The following EIF3G variants were observed in gnomAD, a reference collection of about 807,000 sequenced individuals.
The protein encoded by EIF3G is eukaryotic translation initiation factor 3 subunit G, also known as eukaryotic translation initiation factor 3 RNA-binding subunit.
In EIF3G, 10 loss-of-function variants were observed where a neutral mutation model predicts 41.7. That is an observed-to-expected ratio of 0.24 (90% CI 0.15 to 0.41). The LOEUF (loss-of-function observed/expected upper bound fraction) is 0.41. EIF3G is among the 10% of genes least tolerant of loss of function. The probability of loss-of-function intolerance (pLI) is 1.00; values close to 1 mark genes in which losing one functional copy is unlikely to be tolerated. For synonymous variants in EIF3G, 204 were observed against 172.5 expected, an observed-to-expected ratio of 1.18 and a Z score of -1.43; for missense variants, 297 against 444.0, an observed-to-expected ratio of 0.67 and a Z score of 2.98.
intron 4 of EIF3G, 42 bp from the exon 5 acceptor site, chr19:10,118,769 G>A: frequency 6.2e-7 from 1 of 1,612,346 alleles, no homozygotes; most frequent in East Asian, 2.2e-5. Context: ...CTGGGACCAA[G>A]GGATCTCCTT....
rs1197195020 is a variant in EIF3G, at chr19:10,116,784, C to T, written c.595+16G>A. 6 of 1,557,388 alleles carry T rather than the reference C, an allele frequency of 3.9e-6. No individual in the cohort carries two copies. The highest frequency in any genetic ancestry group is 1.8e-5 in the Admixed American group (1 of 54,416). On this transcript the variant is annotated intron_variant, in intron 7 of 10. Transcript: ENST00000253108. The surrounding 1 kb of genome is among the most constrained non-coding windows in gnomAD (Gnocchi z 4.1). ...AGAACCCGTGCACTGACAGCAGGACCCTCCCACCCCCACACCTCCCGGCAG... is the reference window on the plus strand; with the variant it reads ...AGAACCCGTGCACTGACAGCAGGACTCTCCCACCCCCACACCTCCCGGCAG...
At chr19:10,115,409 T>C in intron 10 of EIF3G, 70 bp downstream of exon 10, 1 of 1,501,886 alleles carries the variant, frequency 6.7e-7, no homozygotes, top group Non-Finnish European at 9.1e-7. Context: ...GGCTATTGGT[T>C]GGCCCAACAC....
intron 2 of EIF3G, 92 bp downstream of exon 2, chr19:10,119,562 G>A (rs1369420465): frequency 1.4e-6 from 2 of 1,436,952 alleles, no homozygotes; most frequent in African/African-American, 1.4e-5. Context: ...ACCGTGACGG[G>A]GTACACGGTG....
intron 2 of EIF3G, 91 bp downstream of exon 2, chr19:10,119,563 G>T: frequency 6.9e-7 from 1 of 1,447,866 alleles, no homozygotes; most frequent in Non-Finnish European, 9.4e-7. Flanking sequence ...CCGTGACGGG[G>T]TACACGGTGC....
Position 10,116,795 on chromosome 19 carries a change from C to A in EIF3G, c.595+5G>T, listed in dbSNP as rs965292110. 6.4e-7 allele frequency: 1 copy of A among 1,572,258 alleles called. No homozygotes were observed. Among genetic ancestry groups the A allele is most frequent in the African/African-American group, 1.4e-5 (1 of 74,062 alleles). On this transcript the variant is annotated splice_donor_5th_base_variant and intron_variant, in intron 7 of 10. Transcript: ENST00000253108. The surrounding 1 kb of genome is among the most constrained non-coding windows in gnomAD (Gnocchi z 4.1). ...ACTGACAGCAGGACCCTCCCACCCC[C>A]ACACCTCCCGGCAGCTTCTCCTTCT...
intron 1 of EIF3G, 46 bp downstream of exon 1, chr19:10,119,794 G>A (rs768438635): frequency 6.2e-7 from 1 of 1,614,190 alleles, no homozygotes; most frequent in East Asian, 2.2e-5. Flanking sequence ...ACTTCCCAGA[G>A]CACCCCAACC....
At chr19:10,119,617 C>A (rs199964856) in intron 2 of EIF3G, 37 bp downstream of exon 2, 1,360 of 1,556,096 alleles carry the variant, frequency 8.7e-4, no homozygotes, top group Non-Finnish European at 1.1e-3. Context: ...CGGCTTGGGC[C>A]TGGCCGCGAA....
intron 10 of EIF3G, 41 bp downstream of exon 10, chr19:10,115,438 C>G: frequency 2.5e-6 from 4 of 1,571,224 alleles, no homozygotes; most frequent in Non-Finnish European, 3.5e-6. Context: ...GGTGCTGGGA[C>G]AAGGCAGGGA....
Position 10,119,145 on chromosome 19 carries a change from T to G in EIF3G, c.94A>C (p.Lys32Gln). The G allele has an allele frequency of 6.3e-7, 1 of 1,595,324 alleles. No individual in the cohort carries two copies. The highest frequency in any genetic ancestry group is 1.7e-4 in the Middle Eastern group (1 of 6,048). ...TCACCTGTGGCCAGAGGGATCCCCT[T>G]GAGGAGCTCGCTGGTGACACATTTG... ...DDKCVTSELL[K>Q]GIPLATGDTS... is the part of the protein sequence containing the mutation. The change falls in exon 3 of 11, where the codon AAG (lysine) becomes CAG (glutamine). Residue 32 changes from lysine to glutamine, a missense_variant. Lys to Gln is a moderately conservative substitution (Grantham distance 53). Around this residue, in one of 4 missense-constraint regions of EIF3G, gnomAD observed 147 missense variants for 162.4 expected, o/e 0.91. Transcript: ENST00000253108.
Position 10,115,063 on chromosome 19 carries a change from G to T in EIF3G, c.*51C>A. 6.2e-7 allele frequency: 1 copy of T among 1,613,012 alleles called. No homozygotes were observed. The highest frequency in any genetic ancestry group is 8.5e-7 in the Non-Finnish European group (1 of 1,179,564). The stretch of plus-strand genomic sequence containing the variant: ...GCCCTTGGAGCCCGCGCTCTCGGAG[G>T]CTGTCTTCTGTCGCCAAGGGTCCCG... On this transcript the variant is annotated 3_prime_UTR_variant, in exon 11 of 11. Transcript: ENST00000253108.
At position 10,117,136 on chromosome 19, in the gene EIF3G, G is replaced by C; in HGVS notation, c.353C>G (p.Ala118Gly). ...GACATCGTCACTGACAGTGGTGGTG[G>C]CCACATTGGGTCCGGGGGGGTCAAA... Reference protein sequence around the residue: ...SEFDPPGPNVATTTVSDDVSM... With the variant: ...SEFDPPGPNVGTTTVSDDVSM... The change falls in exon 6 of 11, where the codon GCC becomes GGC. Residue 118 changes from alanine to glycine, a missense_variant. This residue lies in a region of EIF3G where 147 missense variants were observed against 162.4 expected (regional missense o/e 0.91). Transcript: ENST00000253108. 6.2e-7 allele frequency: 1 copy of C among 1,613,630 alleles called. No homozygotes were observed. Among genetic ancestry groups the C allele is most frequent in the Non-Finnish European group, 8.5e-7 (1 of 1,179,850 alleles).
At position 10,116,969 on chromosome 19, in the gene EIF3G, C is replaced by A; in HGVS notation, c.426G>T (p.Glu142Asp). 1 of 1,611,648 alleles carries A rather than the reference C, an allele frequency of 6.2e-7. No homozygotes were observed. Among genetic ancestry groups the A allele is most frequent in the Non-Finnish European group, 8.5e-7 (1 of 1,178,402 alleles). ...CCTTGAGTTTGTTCATAGGGTCCTC[C>A]TCCTCCTGGCAGTTCAGGTCCTGGC... is the stretch of plus-strand genomic sequence containing the variant. The part of the protein sequence containing the change: ...TSKEDLNCQE[E>D]EDPMNKLKGQ... Residue 142 changes from glutamate to aspartate, a missense_variant, in exon 7 of 11, where the codon GAG becomes GAT. Glu to Asp is a conservative substitution (Grantham distance 45). Transcript: ENST00000253108. The surrounding 1 kb of genome is among the most constrained non-coding windows in gnomAD (Gnocchi z 4.1).
chr19:10,116,400 T>A lies in EIF3G; in HGVS notation c.596-326A>T, dbSNP rs2089250848. 1 of 503,728 alleles carries A rather than the reference T, an allele frequency of 2.0e-6. No individual in the cohort carries two copies. Among genetic ancestry groups the A allele is most frequent in the African/African-American group, 1.9e-5 (1 of 51,934 alleles). 31.2% of individuals were successfully genotyped at this position (503,728 alleles called of 1,614,324 possible). On this transcript the variant is annotated intron_variant, in intron 7 of 10. Coordinates refer to ENST00000253108, the MANE Select transcript of EIF3G (RefSeq NM_003755.5). This position sits in a 1 kb window ranked among gnomAD's most constrained non-coding sequence, Gnocchi z 4.1. ...AACAGGAACAGCGCCCAGGTCCCCC[T>A]CGCGTGGCAGGCGACAAGTGCACGT...
In EIF3G at chr19:10,116,476, T is replaced by C; in HGVS notation, c.595+324A>G. On this transcript the variant is annotated intron_variant, in intron 7 of 10. Transcript: ENST00000253108. The surrounding 1 kb of genome is among the most constrained non-coding windows in gnomAD (Gnocchi z 4.1). ...AAATCCCACCAAAGAATTCGGACGG[T>C]ACAGCCACAGGCATGCAACGGAGAC... 4.2e-6 allele frequency: 2 copies of C among 481,750 alleles called. No homozygotes were observed. Among genetic ancestry groups the C allele is most frequent in the Non-Finnish European group, 3.7e-6 (1 of 267,816 alleles). The allele number at this position is 481,750 out of a possible 1,614,324, so 29.8% of individuals were successfully genotyped here. A position where few individuals can be genotyped will look rare whatever the true frequency, so the allele number is the denominator to read the frequency against.
At chr19:10,115,410 G>A in intron 10 of EIF3G, 69 bp downstream of exon 10, 6 of 1,498,636 alleles carry the variant, frequency 4.0e-6, no homozygotes, top group Non-Finnish European at 5.5e-6. Context: ...GCTATTGGTT[G>A]GCCCAACACT....
chr19:10,117,131 T>C lies in EIF3G; in HGVS notation c.358A>G (p.Thr120Ala). 1 of 1,613,452 alleles carries C rather than the reference T, an allele frequency of 6.2e-7. No individual in the cohort carries two copies. Among genetic ancestry groups the C allele is most frequent in the Non-Finnish European group, 8.5e-7 (1 of 1,179,784 alleles). ...FDPPGPNVAT[T>A]TVSDDVSMTF... ...ATAGAGACATCGTCACTGACAGTGGTGGTGGCCACATTGGGTCCGGGGGGG... is the reference window on the plus strand; with the variant it reads ...ATAGAGACATCGTCACTGACAGTGGCGGTGGCCACATTGGGTCCGGGGGGG... The change falls in exon 6 of 11, where the codon ACC (threonine) becomes GCC (alanine). Residue 120 changes from threonine to alanine, a missense_variant. This residue lies in a region of EIF3G where 147 missense variants were observed against 162.4 expected (regional missense o/e 0.91). Transcript: ENST00000253108.
chr19:10,116,382 A>T lies in EIF3G; in HGVS notation c.596-308T>A, dbSNP rs1381910082. 3.1e-5 allele frequency: 16 copies of T among 520,864 alleles called. No individual in the cohort carries two copies. The highest frequency in any genetic ancestry group is 4.8e-5 in the Non-Finnish European group (14 of 289,618). The allele number at this position is 520,864 out of a possible 1,614,324, so 32.3% of individuals were successfully genotyped here. ...GGCAGACATGGGACACACAACAGGA[A>T]CAGCGCCCAGGTCCCCCTCGCGTGG... On this transcript the variant is annotated intron_variant, in intron 7 of 10. Coordinates refer to ENST00000253108, the MANE Select transcript of EIF3G (RefSeq NM_003755.5). This position sits in a 1 kb window ranked among gnomAD's most constrained non-coding sequence, Gnocchi z 4.1.
chr19:10,115,772 C>A lies in EIF3G; in HGVS notation c.752G>T (p.Arg251Leu). 6.2e-7 allele frequency: 1 copy of A among 1,614,068 alleles called. No homozygotes were observed. The highest frequency in any genetic ancestry group is 1.1e-5 in the South Asian group (1 of 91,086). The change falls in exon 9 of 11, where the codon CGT (arginine) becomes CTT (leucine). Residue 251 changes from arginine (R) to leucine (L), a missense_variant. By Grantham distance (102) the Arg-to-Leu change is moderately radical (BLOSUM62 -2). This residue lies in a region of EIF3G where 91 missense variants were observed against 170.5 expected (regional missense o/e 0.53). Coordinates refer to ENST00000253108, the MANE Select transcript of EIF3G (RefSeq NM_003755.5). ...IRVTNLSEDT[R>L]ETDLQELFRP... ...GAAGAGCTCCTGCAGGTCGGTCTCA[C>A]GCGTGTCCTCTGACAAGTTGGTGAC...
chr19:10,115,211 G>C, intron 10 of EIF3G, 82 bp from the exon 11 acceptor site: 1 of 1,548,636 alleles, frequency 6.5e-7, no homozygotes, highest in Non-Finnish European at 8.8e-7. Flanking sequence ...CTTGGGGGTG[G>C]GTGGGCAGAG....
Sources: allele counts gnomAD v4.1 joint callset, GRCh38; gene constraint gnomAD v4.1.1; regional missense constraint gnomAD v4.1.1; non-coding constraint Gnocchi (gnomAD v3.1); transcripts MANE v1.5; gene names NCBI Gene and HGNC (gene_info 2026-07-23, HGNC 2026-07-21).